CNTN6: variants seen among roughly 807,000 people sequenced by gnomAD.
CNTN6 encodes the protein contactin-6.
CNTN6 carries 137 observed loss-of-function variants against 122.8 expected under a neutral mutation model. That is an observed-to-expected ratio of 1.12 (90% CI 0.97 to 1.29). The LOEUF is 1.29. Ranked by LOEUF, CNTN6 falls within the 50% of genes most tolerant of loss-of-function variation. The pLI is 0.00. For missense variants in CNTN6, 1,634 were observed against 1,223.4 expected (o/e 1.34, Z -5.01); for synonymous variants, 570 against 426.0 (o/e 1.34, Z -4.16).
chr3:1,160,576 G>T (rs988870053), intron 2 of CNTN6, among the ~76,000 whole-genome samples: 13 of 149,904 alleles, frequency 8.7e-5, no homozygotes, highest in African/African-American at 2.9e-4. Flanking sequence ...TTTTTAAAAG[G>T]ACCTAAGTGC....
chr3:1,155,382 C>T (rs1019996369), intron 2 of CNTN6, among the ~76,000 whole-genome samples: 3 of 152,182 alleles, frequency 2.0e-5, no homozygotes, highest in Non-Finnish European at 4.4e-5. Context: ...TAGGGATAAA[C>T]CAATATTCCC....
chr3:1,282,629 A>C (rs902328847), intron 5 of CNTN6, among the ~76,000 whole-genome samples: 1 of 152,218 alleles, frequency 6.6e-6, no homozygotes, highest in Non-Finnish European at 1.5e-5. Flanking sequence ...GGTTTCACGA[A>C]GTTTTGTAAG....
chr3:1,118,341 C>T (rs1460402935), intron 1 of CNTN6, among the ~76,000 whole-genome samples: 1 of 152,092 alleles, frequency 6.6e-6, no homozygotes, highest in East Asian at 1.9e-4. Flanking sequence ...TGTATATGAC[C>T]TGTACGGAAT....
chr3:1,330,656 C>T (rs918029904), intron 11 of CNTN6, among the ~76,000 whole-genome samples: 2 of 151,786 alleles, frequency 1.3e-5, no homozygotes, highest in Admixed American at 1.3e-4. Context: ...TGTGAACGAG[C>T]CATTGTGCTG....
At chr3:1,184,746 G>C (rs1425199704) in intron 2 of CNTN6, among the ~76,000 whole-genome samples, 1 of 152,046 alleles carries the variant, frequency 6.6e-6, no homozygotes, top group Non-Finnish European at 1.5e-5. Context: ...AAATGATCTG[G>C]ATAGCTAAAT....
chr3:1,372,798 G>A (rs760483885), intron 13 of CNTN6, 40 bp from the exon 14 acceptor site: 15 of 1,167,818 alleles, frequency 1.3e-5, no homozygotes, highest in Non-Finnish European at 1.7e-5. Context: ...CTTGTTATAT[G>A]GGCTTACGTT....
intron 1 of CNTN6, among the ~76,000 whole-genome samples, chr3:1,116,740 T>C (rs1350342204): frequency 4.7e-5 from 7 of 149,828 alleles, no homozygotes; most frequent in African/African-American, 1.7e-4. Context: ...GGTCTTGCTC[T>C]GTCGCCCAGG....
chr3:1,272,078 C>T (rs2095036726), intron 4 of CNTN6, among the ~76,000 whole-genome samples: 1 of 152,168 alleles, frequency 6.6e-6, no homozygotes, highest in Admixed American at 6.5e-5. Context: ...GGGCAGTTCC[C>T]CTGCATACAC....
chr3:1,258,067 C>A (rs1428949648), intron 4 of CNTN6, among the ~76,000 whole-genome samples: 3 of 152,086 alleles, frequency 2.0e-5, no homozygotes, highest in East Asian at 1.9e-4. Context: ...ACAAATCAGT[C>A]CCCTCCAAGT....
intron 4 of CNTN6, among the ~76,000 whole-genome samples, chr3:1,246,012 A>AG (rs2094578724): frequency 6.6e-6 from 1 of 152,192 alleles, no homozygotes; most frequent in Non-Finnish European, 1.5e-5. Flanking sequence ...ATGCAGCCTG[A>AG]GGGCTGTAGG....
chr3:1,292,684 T>A (rs915120301), intron 5 of CNTN6, among the ~76,000 whole-genome samples: 74 of 152,196 alleles, frequency 4.9e-4, no homozygotes, highest in African/African-American at 1.7e-3. Context: ...TTTTTACAAG[T>A]TGCAGCTCAT....
intron 1 of CNTN6, among the ~76,000 whole-genome samples, chr3:1,118,106 TAGTA>T (rs1243104565): frequency 2.0e-5 from 3 of 152,172 alleles, no homozygotes; most frequent in Admixed American, 6.6e-5. Context: ...GCTCCGTACT[TAGTA>T]AGGCTAAATA....
In CNTN6 at chr3:1,397,689, A is replaced by C. The variant is rs150645355; in HGVS notation, c.2705-3744A>C. On this transcript the variant is annotated intron_variant, in intron 20 of 22. Coordinates refer to ENST00000446702, the MANE Select transcript of CNTN6 (RefSeq NM_001289080.2). ...AAGAAGTATTCAGACGCAATAACTAAAAGTGTTTGCAAATGTTGGCTCAAT... is the reference window on the plus strand; with the variant it reads ...AAGAAGTATTCAGACGCAATAACTACAAGTGTTTGCAAATGTTGGCTCAAT... Among the ~76,000 whole-genome samples the C allele has an allele frequency of 2.5e-3, 384 of 152,286 alleles. 1 individual carries two copies. The highest frequency in any genetic ancestry group is 8.8e-3 in the African/African-American group (365 of 41,566).
intron 7 of CNTN6, among the ~76,000 whole-genome samples, chr3:1,318,019 T>G (rs1263815218): frequency 1.3e-5 from 2 of 151,256 alleles, no homozygotes; most frequent in East Asian, 3.9e-4. Context: ...TCTTATAACC[T>G]TCTCCTTAAT....
chr3:1,329,946 C>T lies in CNTN6; in HGVS notation c.1364+11C>T. ...TAGACAAAGCAAAAGGTAAACAAATCTTTATTTTTAAAAATATTTTTGTTT... is the reference window on the plus strand; with the variant it reads ...TAGACAAAGCAAAAGGTAAACAAATTTTTATTTTTAAAAATATTTTTGTTT... On this transcript the variant is annotated intron_variant, in intron 11 of 22. Coordinates refer to ENST00000446702, the MANE Select transcript of CNTN6 (RefSeq NM_001289080.2). 1 of 1,515,450 alleles carries T rather than the reference C, an allele frequency of 6.6e-7. No homozygotes were observed. Among genetic ancestry groups the T allele is most frequent in the Non-Finnish European group, 8.8e-7 (1 of 1,135,776 alleles). 93.9% of individuals were successfully genotyped at this position (1,515,450 alleles called of 1,614,324 possible).
intron 1 of CNTN6, 96 bp from the exon 2 acceptor site, chr3:1,147,828 ATAT>A (rs1468348709): frequency 4.3e-6 from 2 of 467,388 alleles, no homozygotes; most frequent in African/African-American, 1.9e-5. Context: ...TTGGATAATA[ATAT>A]TAATATTAAA....
At chr3:1,331,539 A>G (rs1195584304) in intron 11 of CNTN6, among the ~76,000 whole-genome samples, 1 of 151,910 alleles carries the variant, frequency 6.6e-6, no homozygotes, top group Non-Finnish European at 1.5e-5. Flanking sequence ...CTCCCAACAG[A>G]TTTAGATGTG....
intron 2 of CNTN6, among the ~76,000 whole-genome samples, chr3:1,172,692 G>C (rs1169007417): frequency 1.3e-5 from 2 of 151,776 alleles, no homozygotes; most frequent in Non-Finnish European, 2.9e-5. Flanking sequence ...TGGAATGTCA[G>C]TCATCTCACC....
rs1045944305 is a variant in CNTN6, at chr3:1,383,998, G to C, written c.2517+590G>C. Among the ~76,000 whole-genome samples, 8 of 149,908 alleles carry C rather than the reference G, an allele frequency of 5.3e-5. No homozygotes were observed. In the East Asian group the frequency reaches 1.5e-3, roughly 29 times the overall value. On this transcript the variant is annotated intron_variant, in intron 19 of 22. Transcript: ENST00000446702. ...CCCTGTTTCAGTCAGTCTTCAATCT[G>C]GTCCACAGTAAAGTCCTGCCTCCTC... is the stretch of plus-strand genomic sequence containing the variant.
Sources: allele counts gnomAD v4.1 joint callset (sites outside exome capture counted in the v4.1 genomes callset), GRCh38; gene constraint gnomAD v4.1.1; transcripts MANE v1.5; gene names NCBI Gene and HGNC (gene_info 2026-07-23, HGNC 2026-07-21).